Variants in TMEM154 observed in about 807,000 individuals in gnomAD.
The protein encoded by TMEM154 is transmembrane protein 154.
Under a neutral mutation model 24.5 loss-of-function variants are expected in TMEM154, and 27 were observed. The ratio of observed to expected loss-of-function variants is 1.10; its 90% CI spans 0.81 to 1.52. The LOEUF is 1.52. Ranked by LOEUF, TMEM154 falls within the 40% of genes most tolerant of loss-of-function variation. The pLI is 0.00. For missense variants in TMEM154, 228 were observed against 213.4 expected (o/e 1.07, Z -0.43); for synonymous variants, 67 against 76.8 (o/e 0.87, Z 0.67).
chr4:152,640,875 ATCC>A, intron 6 of TMEM154, 50 bp downstream of exon 6: 1 of 1,275,656 alleles, frequency 7.8e-7, no homozygotes, highest in Non-Finnish European at 1.1e-6. Context: ...CTGGTTCCCA[ATCC>A]CCCCGCCCCC....
At chr4:152,647,226 G>A (rs555707345) in intron 3 of TMEM154, 2 of 984,914 alleles carry the variant, frequency 2.0e-6, no homozygotes, top group Admixed American at 6.1e-5. Context: ...TAACTTCCCA[G>A]GGGACATAGT....
intron 1 of TMEM154, among the ~76,000 whole-genome samples, chr4:152,670,678 C>T (rs1450956117): frequency 5.3e-5 from 8 of 151,986 alleles, no homozygotes; most frequent in Non-Finnish European, 1.0e-4. Flanking sequence ...AATTATAAAA[C>T]TGGGTTAACT....
At chr4:152,641,703 A>G (rs1474970994) in intron 5 of TMEM154, among the ~76,000 whole-genome samples, 1 of 97,884 alleles carries the variant, frequency 1.0e-5, no homozygotes, top group Admixed American at 1.2e-4. Flanking sequence ...TCTACTATGT[A>G]TGCATATTAC....
chr4:152,663,881 T>C (rs1435549597), intron 1 of TMEM154, among the ~76,000 whole-genome samples: 2 of 152,262 alleles, frequency 1.3e-5, no homozygotes, highest in Non-Finnish European at 2.9e-5. Flanking sequence ...TTCACACATC[T>C]GGTGAGGATG....
At chr4:152,654,156 G>C (rs1728445242) in intron 1 of TMEM154, among the ~76,000 whole-genome samples, 1 of 152,160 alleles carries the variant, frequency 6.6e-6, no homozygotes, top group African/African-American at 2.4e-5. Context: ...CAGTAGTCAT[G>C]GTAAGATAAG....
intron 4 of TMEM154, among the ~76,000 whole-genome samples, chr4:152,643,911 C>T (rs932119051): frequency 4.6e-5 from 7 of 151,612 alleles, no homozygotes; most frequent in African/African-American, 1.7e-4. Context: ...TCTCTCCCAC[C>T]CCTCCTTCCC....
intron 6 of TMEM154, among the ~76,000 whole-genome samples, chr4:152,637,322 G>A (rs1227544130): frequency 6.6e-6 from 1 of 152,160 alleles, no homozygotes; most frequent in Non-Finnish European, 1.5e-5. Flanking sequence ...GAGGTGGATG[G>A]ATCACCTGAG....
intron 1 of TMEM154, among the ~76,000 whole-genome samples, chr4:152,661,745 A>G (rs186817371): frequency 1.0e-3 from 152 of 152,236 alleles, no homozygotes; most frequent in African/African-American, 3.5e-3. Context: ...GTTGATTCCA[A>G]AGTGTTCTAC....
intron 6 of TMEM154, among the ~76,000 whole-genome samples, chr4:152,638,478 G>A (rs1265017284): frequency 6.6e-6 from 1 of 152,200 alleles, no homozygotes; most frequent in East Asian, 1.9e-4. Flanking sequence ...CAGTATTGAT[G>A]TGTCTGGGTC....
chr4:152,667,547 A>T (rs142704760), intron 1 of TMEM154, among the ~76,000 whole-genome samples: 2 of 152,226 alleles, frequency 1.3e-5, no homozygotes, highest in African/African-American at 4.8e-5. Context: ...TTATAAGCTC[A>T]GTTGTTCTAC....
intron 1 of TMEM154, among the ~76,000 whole-genome samples, chr4:152,662,741 T>C (rs1429307545): frequency 1.3e-5 from 2 of 152,102 alleles, no homozygotes; most frequent in Non-Finnish European, 2.9e-5. Flanking sequence ...TCCATGGAGA[T>C]TTCCTGCGGG....
rs186270067 is a variant in TMEM154, at chr4:152,621,639, G to A, written c.*6907C>T. On this transcript the variant is annotated 3_prime_UTR_variant, in exon 7 of 7. Transcript: ENST00000304385. The stretch of plus-strand genomic sequence containing the variant: ...TAATACTGACTGGTCTTTGTGAGCC[G>A]AAAGAATAAATCCTTATTCAAGGAA... 31 of 152,224 alleles carry A rather than the reference G, an allele frequency of 2.0e-4. No homozygotes were observed. Among genetic ancestry groups the A allele is most frequent in the African/African-American group, 6.0e-4 (25 of 41,538 alleles). 9.4% of individuals were successfully genotyped at this position (152,224 alleles called of 1,614,324 possible). A position where few individuals can be genotyped will look rare whatever the true frequency, so the allele number is the denominator to read the frequency against.
At chr4:152,653,904 T>C (rs1654107003) in intron 1 of TMEM154, among the ~76,000 whole-genome samples, 2 of 151,596 alleles carry the variant, frequency 1.3e-5, no homozygotes, top group African/African-American at 4.8e-5. Flanking sequence ...CTGGGCGTGG[T>C]GGTGCATGCC....
At chr4:152,668,624 G>C (rs1400792286) in intron 1 of TMEM154, 1 of 152,292 alleles carries the variant, frequency 6.6e-6, no homozygotes, top group African/African-American at 2.4e-5. Context: ...CTGGAAGACA[G>C]AGACAAACAA....
rs577812338 is a variant in TMEM154 at position 152,624,566 on chromosome 4, A to C, written c.*3980T>G. On this transcript the variant is annotated 3_prime_UTR_variant, in exon 7 of 7. Coordinates refer to ENST00000304385, the MANE Select transcript of TMEM154 (RefSeq NM_152680.3). ...CAGTGAGCCATAATCACACCATTGC[A>C]CTCCAGCCTGGGCATCAGCATGAGA... 6.6e-6 allele frequency: 1 copy of C among 152,092 alleles called. No individual in the cohort carries two copies. The highest frequency in any genetic ancestry group is 1.5e-5 in the Non-Finnish European group (1 of 67,990). The allele number at this position is 152,092 out of a possible 1,614,324, so 9.4% of individuals were successfully genotyped here.
At chr4:152,655,030 G>C (rs1232736323) in intron 1 of TMEM154, among the ~76,000 whole-genome samples, 3 of 147,812 alleles carry the variant, frequency 2.0e-5, no homozygotes, top group Admixed American at 1.3e-4. Flanking sequence ...AGGCAGGATT[G>C]AAAAAAAAAA....
rs554438702 is a variant in TMEM154, at chr4:152,672,296, G to A, written c.64+7574C>T. Among the ~76,000 whole-genome samples the A allele has an allele frequency of 2.0e-5, 3 of 152,178 alleles. No individual in the cohort carries two copies. In the South Asian group the frequency reaches 6.2e-4, roughly 32 times the overall value. On this transcript the variant is annotated intron_variant, in intron 1 of 6. Coordinates refer to ENST00000304385, the MANE Select transcript of TMEM154 (RefSeq NM_152680.3). ...TGTCATGACCCAGGACTGGTGTAAG[G>A]AGTGAGAAAAGAAAAGAACACTGAC...
In TMEM154 at chr4:152,676,482, G is replaced by A. The variant is rs192612198; in HGVS notation, c.64+3388C>T. Among the ~76,000 whole-genome samples the A allele has an allele frequency of 2.0e-4, 30 of 152,328 alleles. No homozygotes were observed. In the East Asian group the frequency reaches 4.8e-3, roughly 24 times the overall value. On this transcript the variant is annotated intron_variant, in intron 1 of 6. Coordinates refer to ENST00000304385, the MANE Select transcript of TMEM154 (RefSeq NM_152680.3). ...TGTGTGACCTTGGGCAAGTCACTTAGCCTCTCTGTGCCTCAGTTTTCTCAA... is the reference window on the plus strand; with the variant it reads ...TGTGTGACCTTGGGCAAGTCACTTAACCTCTCTGTGCCTCAGTTTTCTCAA...
chr4:152,679,507 T>C (rs1321692820), intron 1 of TMEM154, among the ~76,000 whole-genome samples: 1 of 150,724 alleles, frequency 6.6e-6, no homozygotes, highest in Admixed American at 6.7e-5. Flanking sequence ...AAATTAATCA[T>C]GTCTCTGTTT....
Sources: allele counts gnomAD v4.1 joint callset (sites outside exome capture counted in the v4.1 genomes callset), GRCh38; gene constraint gnomAD v4.1.1; transcripts MANE v1.5; gene names NCBI Gene and HGNC (gene_info 2026-07-23, HGNC 2026-07-21).